PARP15: variants seen among roughly 807,000 people sequenced by gnomAD.
PARP15 encodes the protein protein mono-ADP-ribosyltransferase PARP15.
PARP15 carries 50 observed loss-of-function variants against 62.1 expected under a neutral mutation model. The ratio of observed to expected loss-of-function variants is 0.81; its 90% CI spans 0.64 to 1.02. The LOEUF (loss-of-function observed/expected upper bound fraction) is 1.02. PARP15 is among the 50% of genes least tolerant of loss of function. The probability of loss-of-function intolerance (pLI) is 0.00; values close to 1 mark genes in which losing one functional copy is unlikely to be tolerated. For synonymous variants in PARP15, 309 were observed against 293.1 expected, an observed-to-expected ratio of 1.05 and a Z score of -0.55; for missense variants, 820 against 826.5, an observed-to-expected ratio of 0.99 and a Z score of 0.10.
At chr3:122,628,997 A>G (rs1936903250) in intron 9 of PARP15, among the ~76,000 whole-genome samples, 3 of 152,208 alleles carry the variant, frequency 2.0e-5, no homozygotes, top group Admixed American at 2.0e-4. Context: ...TATTGAGTCC[A>G]GAGATTACTT....
Position 122,577,694 on chromosome 3 carries a change from CG to C in PARP15, c.28del (p.Ala10LeufsTer3). MAAPGPLPA[A>X]ALSPGAPTPR... ...TGGCTGCGCCAGGCCCCCTTCCTGCCGCTGCTCTGAGTCCAGGGGCTCCGAC... is the reference window on the plus strand; with the variant it reads ...TGGCTGCGCCAGGCCCCCTTCCTGCCCTGCTCTGAGTCCAGGGGCTCCGAC... On this transcript the variant is annotated frameshift_variant, in exon 1 of 12. Coordinates refer to ENST00000464300, the MANE Select transcript of PARP15 (RefSeq NM_001113523.3). LOFTEE classifies it high-confidence loss of function. 1 of 1,551,522 alleles carries C rather than the reference CG, an allele frequency of 6.4e-7. No individual in the cohort carries two copies. The highest frequency in any genetic ancestry group is 8.7e-7 in the Non-Finnish European group (1 of 1,146,868).
chr3:122,635,109 G>A lies in PARP15; in HGVS notation c.1662G>A (p.Glu554=). 1.2e-6 allele frequency: 2 copies of A among 1,614,036 alleles called. No individual in the cohort carries two copies. The highest frequency in any genetic ancestry group is 1.7e-6 in the Non-Finnish European group (2 of 1,179,942). Residue 554 remains glutamate (E), a synonymous_variant, in exon 11 of 12, where the codon GAG becomes GAA. Coordinates refer to ENST00000464300, the MANE Select transcript of PARP15 (RefSeq NM_001113523.3). ...MDIKNDHKNN[E]RLLFHGTDAD... Reference sequence around the variant, plus strand: ...TCAAGAATGACCATAAGAATAATGAGAGACTCCTCTTCCATGGGACAGATG... The same window carrying A: ...TCAAGAATGACCATAAGAATAATGAAAGACTCCTCTTCCATGGGACAGATG...
intron 2 of PARP15, 64 bp from the exon 3 acceptor site, chr3:122,610,430 T>C: frequency 1.4e-6 from 2 of 1,391,180 alleles, no homozygotes; most frequent in South Asian, 2.7e-5. Context: ...ACTTAGTAAA[T>C]TTACAGTTGC....
chr3:122,581,457 A>G (rs374660676), intron 1 of PARP15, among the ~76,000 whole-genome samples: 26 of 152,068 alleles, frequency 1.7e-4, no homozygotes, highest in African/African-American at 5.3e-4. Flanking sequence ...GTATGAGGTG[A>G]TATTCCACCA....
rs757341420 is a variant in PARP15 at position 122,613,273 on chromosome 3, G to C, written c.771+5G>C. 4.5e-5 allele frequency: 69 copies of C among 1,530,296 alleles called. No individual in the cohort carries two copies. The highest frequency in any genetic ancestry group is 5.8e-5 in the Non-Finnish European group (65 of 1,127,406). 94.8% of individuals were successfully genotyped at this position (1,530,296 alleles called of 1,614,324 possible). A position where few individuals can be genotyped will look rare whatever the true frequency, so the allele number is the denominator to read the frequency against. On this transcript the variant is annotated splice_donor_5th_base_variant and intron_variant, in intron 4 of 11. Transcript: ENST00000464300. ...AATGACGATGAAGGCTGTCAGGTAT[G>C]GTTACATATCCCATCTGGTTAATTC...
chr3:122,589,306 G>A (rs1933689478), intron 1 of PARP15, among the ~76,000 whole-genome samples: 1 of 152,122 alleles, frequency 6.6e-6, no homozygotes, highest in Admixed American at 6.5e-5. Context: ...TGTCTCCCGA[G>A]AGCCCCAACT....
At chr3:122,595,654 C>G (rs992751772) in intron 1 of PARP15, among the ~76,000 whole-genome samples, 1 of 152,144 alleles carries the variant, frequency 6.6e-6, no homozygotes, top group Non-Finnish European at 1.5e-5. Context: ...TTTCAGCCTC[C>G]CTAGTAGTTG....
intron 3 of PARP15, among the ~76,000 whole-genome samples, chr3:122,612,065 C>A (rs577177925): frequency 7.0e-6 from 1 of 143,000 alleles, no homozygotes; most frequent in South Asian, 2.2e-4. Flanking sequence ...CTTTTTTTTT[C>A]TTTTAATTGA....
At chr3:122,581,659 T>G (rs1424879762) in intron 1 of PARP15, among the ~76,000 whole-genome samples, 1 of 152,242 alleles carries the variant, frequency 6.6e-6, no homozygotes, top group East Asian at 1.9e-4. Flanking sequence ...CACCAATATA[T>G]GATTTGCAAA....
At position 122,638,401 on chromosome 3, in the gene PARP15, T is replaced by C. The variant is rs947839573; in HGVS notation, c.*2301T>C. On this transcript the variant is annotated 3_prime_UTR_variant, in exon 12 of 12. Coordinates refer to ENST00000464300, the MANE Select transcript of PARP15 (RefSeq NM_001113523.3). ...CTGACTTCCACAATGGTTGAACTAG[T>C]TTACAGTCCCACCAACAGTGTAAAA... 3.3e-5 allele frequency: 5 copies of C among 152,160 alleles called. No homozygotes were observed. Among genetic ancestry groups the C allele is most frequent in the Non-Finnish European group, 7.4e-5 (5 of 68,014 alleles). 9.4% of individuals were successfully genotyped at this position (152,160 alleles called of 1,614,324 possible).
intron 3 of PARP15, 51 bp downstream of exon 3, chr3:122,610,781 C>T (rs1260818612): frequency 1.3e-5 from 18 of 1,434,866 alleles, no homozygotes; most frequent in South Asian, 3.0e-5. Context: ...TGGGAATCTC[C>T]TTCTGGTGTG....
At chr3:122,590,176 G>A (rs528901311) in intron 1 of PARP15, among the ~76,000 whole-genome samples, 5 of 145,050 alleles carry the variant, frequency 3.4e-5, no homozygotes, top group South Asian at 2.2e-4. Context: ...ATGGGCCACC[G>A]CACCCGGCCT....
Position 122,621,584 on chromosome 3 carries a change from T to A in PARP15, c.1204T>A (p.Ser402Thr), listed in dbSNP as rs773651819. 23 of 1,601,120 alleles carry A rather than the reference T, an allele frequency of 1.4e-5. No individual in the cohort carries two copies. The East Asian group carries it at 4.7e-4, about 33-fold the overall frequency. Reference protein sequence around the residue: ...LEECEQRKYTSVSLPAIGTGN... With the variant: ...LEECEQRKYTTVSLPAIGTGN... ...AGAGTGTGAACAGAGGAAGTACACA[T>A]CGGTTTCCCTTCCAGCCATTGGAAC... The change falls in exon 8 of 12, where the codon TCG (serine) becomes ACG (threonine). Residue 402 changes from serine to threonine, a missense_variant. This residue lies in a region of PARP15 where 731 missense variants were observed against 727.7 expected (regional missense o/e 1.00). Transcript: ENST00000464300.
At chr3:122,597,255 C>G (rs1934426818) in intron 1 of PARP15, among the ~76,000 whole-genome samples, 1 of 152,158 alleles carries the variant, frequency 6.6e-6, no homozygotes, top group African/African-American at 2.4e-5. Context: ...CTAATCACCT[C>G]TTAAAGGCCC....
intron 8 of PARP15, among the ~76,000 whole-genome samples, chr3:122,625,252 T>A (rs1936635482): frequency 1.3e-5 from 2 of 152,084 alleles, no homozygotes; most frequent in South Asian, 4.2e-4. Flanking sequence ...TCTTTGTTTG[T>A]TTTTTTGTTG....
chr3:122,594,649 T>G, intron 1 of PARP15: 1 of 917,092 alleles, frequency 1.1e-6, no homozygotes, highest in African/African-American at 1.8e-5. Context: ...TAATTTTAAT[T>G]TGTGGTTATC....
intron 10 of PARP15, among the ~76,000 whole-genome samples, chr3:122,632,951 T>A (rs375994817): frequency 3.8e-4 from 58 of 152,326 alleles, no homozygotes; most frequent in African/African-American, 1.3e-3. Context: ...ATGTCCACTA[T>A]GCTGCATAAA....
intron 1 of PARP15, among the ~76,000 whole-genome samples, chr3:122,582,986 G>T (rs979962165): frequency 6.6e-6 from 1 of 150,978 alleles, no homozygotes; most frequent in African/African-American, 2.4e-5. Flanking sequence ...CTAGGAGTTT[G>T]ATTTGGTTCT....
intron 4 of PARP15, among the ~76,000 whole-genome samples, chr3:122,614,058 C>T (rs908505361): frequency 6.6e-6 from 1 of 152,016 alleles, no homozygotes; most frequent in Non-Finnish European, 1.5e-5. Context: ...GTTGGCCAGG[C>T]TGGTCCTGAC....
Sources: gnomAD v4.1 joint callset for allele counts (sites outside exome capture counted in the v4.1 genomes callset) on GRCh38, gnomAD v4.1.1 for gene constraint, gnomAD v4.1.1 regional missense constraint, MANE v1.5 for transcripts, NCBI Gene and HGNC (gene_info 2026-07-23, HGNC 2026-07-21) for gene names.